The following LIPA variants were observed in gnomAD, a reference collection of about 807,000 sequenced individuals.
The protein encoded by LIPA is lysosomal acid lipase/cholesteryl ester hydrolase.
Under a neutral mutation model 40.6 loss-of-function variants are expected in LIPA, and 26 were observed. The ratio of observed to expected loss-of-function variants is 0.64; its 90% CI spans 0.47 to 0.89. The LOEUF (loss-of-function observed/expected upper bound fraction) is 0.89. LIPA is among the 40% of genes least tolerant of loss of function. LIPA has a pLI of 0.00. For missense variants in LIPA, 455 were observed against 479.6 expected, an observed-to-expected ratio of 0.95 and a Z score of 0.48; for synonymous variants, 188 against 168.4, an observed-to-expected ratio of 1.12 and a Z score of -0.90.
chr10:89,230,100 G>C (rs1281380023), intron 3 of LIPA, among the ~76,000 whole-genome samples: 1 of 152,112 alleles, frequency 6.6e-6, no homozygotes. Flanking sequence ...AAAAAACAAA[G>C]ATGTGGGAGC....
chr10:89,288,367 T>G (rs181955352), intron 1 of LIPA, among the ~76,000 whole-genome samples: 2 of 152,246 alleles, frequency 1.3e-5, no homozygotes, highest in African/African-American at 4.8e-5. Flanking sequence ...CACTCCTCTT[T>G]CCATTCCTTA....
At chr10:89,216,842 T>C (rs1396533968) in intron 8 of LIPA, among the ~76,000 whole-genome samples, 1 of 152,184 alleles carries the variant, frequency 6.6e-6, no homozygotes, top group Non-Finnish European at 1.5e-5. Context: ...CTAGTTATAT[T>C]AGTCAAATTT....
At chr10:89,304,752 G>C (rs1182495530) in intron 1 of LIPA, among the ~76,000 whole-genome samples, 1 of 151,886 alleles carries the variant, frequency 6.6e-6, no homozygotes, top group Admixed American at 6.6e-5. Context: ...GGGTTTTTTA[G>C]GGGTTTTTTT....
At chr10:89,344,243 G>A (rs1299098155), upstream of LIPA, among the ~76,000 whole-genome samples, 3 of 152,202 alleles carry the variant, frequency 2.0e-5, no homozygotes, top group Non-Finnish European at 4.4e-5. Context: ...TTATAAGAGA[G>A]TAAGGAATTC....
chr10:89,393,035 A>G (rs1421393011), intron 2 of LIPA: 2 of 851,606 alleles, frequency 2.3e-6, no homozygotes, highest in African/African-American at 1.7e-5. Context: ...ATTCTTTCCC[A>G]TCAGATTCAC....
intron 2 of LIPA, among the ~76,000 whole-genome samples, chr10:89,364,339 T>A (rs1023272170): frequency 4.4e-4 from 67 of 152,322 alleles, no homozygotes; most frequent in African/African-American, 1.6e-3. Flanking sequence ...GTCTACTAGG[T>A]CAGCTGTTCA....
intron 1 of LIPA, among the ~76,000 whole-genome samples, chr10:89,293,248 G>C (rs777671025): frequency 7.2e-5 from 11 of 152,098 alleles, no homozygotes; most frequent in Non-Finnish European, 1.3e-4. Flanking sequence ...TTTGCCTTCT[G>C]CCATGATTGC....
At position 89,225,318 on chromosome 10, in the gene LIPA, C is replaced by A. The variant is rs942124552; in HGVS notation, c.539-90G>T. The stretch of plus-strand genomic sequence containing the variant: ...AAGGCCGTCACTCGCGACGCCCTCT[C>A]GCGGAGGCCTGAGACCCACGCAAAC... On this transcript the variant is annotated intron_variant, in intron 5 of 9. Transcript: ENST00000336233. 8 of 1,190,722 alleles carry A rather than the reference C, an allele frequency of 6.7e-6. No individual in the cohort carries two copies. In the African/African-American group the frequency reaches 1.4e-4, roughly 21 times the overall value. The allele number at this position is 1,190,722 out of a possible 1,614,324, so 73.8% of individuals were successfully genotyped here. A position where few individuals can be genotyped will look rare whatever the true frequency, so the allele number is the denominator to read the frequency against.
Position 89,299,107 on chromosome 10 carries a change from A to C in LIPA, c.-2+43504T>G, listed in dbSNP as rs188274246. Among the ~76,000 whole-genome samples, 738 of 151,972 alleles carry C rather than the reference A, an allele frequency of 4.9e-3. 4 individuals carry two copies. Among genetic ancestry groups the C allele is most frequent in the African/African-American group, 0.016 (670 of 41,530 alleles). On this transcript the variant is annotated intron_variant, in intron 1 of 5. Transcript: ENST00000282673. The stretch of plus-strand genomic sequence containing the variant: ...ACAATACACAGAAATCGGAGAAACA[A>C]TTCAGGATATGAATGAGAAATTTGC...
At chr10:89,316,647 T>C (rs1247158277) in intron 1 of LIPA, among the ~76,000 whole-genome samples, 2 of 152,190 alleles carry the variant, frequency 1.3e-5, no homozygotes, top group Admixed American at 6.5e-5. Flanking sequence ...GGGCAGGGTA[T>C]AGCTGAACAA....
chr10:89,305,882 G>T, intron 1 of LIPA: 1 of 934,434 alleles, frequency 1.1e-6, no homozygotes, highest in South Asian at 1.6e-5. Flanking sequence ...TTAGGAGGAG[G>T]AGCATTTTAT....
intron 1 of LIPA, among the ~76,000 whole-genome samples, chr10:89,265,223 G>T (rs1843229594): frequency 6.6e-6 from 1 of 151,904 alleles, no homozygotes. Flanking sequence ...GGGTTGGGGA[G>T]TGGGGGCCAT....
At chr10:89,403,246 C>T (rs1279818995) in intron 2 of LIPA, 5 of 1,614,162 alleles carry the variant, frequency 3.1e-6, no homozygotes, top group Non-Finnish European at 4.2e-6. Flanking sequence ...ATGATAAGAT[C>T]AGCCATATTT....
rs148978582 is a variant in LIPA, at chr10:89,307,292, A to G, written c.-2+35319T>C. ...ATTCCTTCAGGAGCTGAATGAAAAA[A>G]TGCAACAAGCAGATGAAGACTCTGA... On this transcript the variant is annotated intron_variant, in intron 1 of 5. Coordinates refer to the LIPA transcript ENST00000282673. 2.9e-5 allele frequency: 47 copies of G among 1,614,020 alleles called. No homozygotes were observed. In the African/African-American group the frequency reaches 4.4e-4, roughly 15 times the overall value.
chr10:89,311,271 C>T (rs925498859), intron 1 of LIPA, among the ~76,000 whole-genome samples: 47 of 152,120 alleles, frequency 3.1e-4, no homozygotes, highest in Middle Eastern at 3.4e-3. Flanking sequence ...GCCTAAAATC[C>T]CAGCACTTTG....
At chr10:89,319,723 T>A (rs1442144966) in intron 1 of LIPA, among the ~76,000 whole-genome samples, 1 of 152,184 alleles carries the variant, frequency 6.6e-6, no homozygotes, top group Non-Finnish European at 1.5e-5. Flanking sequence ...GTGGCCAGCA[T>A]CATCCTGATA....
chr10:89,410,568 G>C (rs1483767768), intron 2 of LIPA, among the ~76,000 whole-genome samples: 2 of 152,234 alleles, frequency 1.3e-5, no homozygotes, highest in Non-Finnish European at 2.9e-5. Context: ...TCTTCCCCCA[G>C]GGACCAGCAC....
chr10:89,217,258 A>G (rs1842640101), intron 8 of LIPA, among the ~76,000 whole-genome samples: 1 of 152,224 alleles, frequency 6.6e-6, no homozygotes, highest in Non-Finnish European at 1.5e-5. Context: ...ATACAATTCT[A>G]CTGTTTGATG....
At chr10:89,297,960 C>A (rs1182672771) in intron 1 of LIPA, among the ~76,000 whole-genome samples, 1 of 152,242 alleles carries the variant, frequency 6.6e-6, no homozygotes, top group Non-Finnish European at 1.5e-5. Context: ...CCTCTCTCTG[C>A]ACAGTGCTGC....
Sources: allele counts gnomAD v4.1 joint callset (sites outside exome capture counted in the v4.1 genomes callset), GRCh38; gene constraint gnomAD v4.1.1; transcripts MANE v1.5; gene names NCBI Gene and HGNC (gene_info 2026-07-23, HGNC 2026-07-21).